Variants in ZNF704 observed in about 807,000 individuals in gnomAD.
ZNF704 encodes glucocorticoid induced gene 1.
ZNF704 carries 10 observed loss-of-function variants against 44.7 expected under a neutral mutation model. The ratio of observed to expected loss-of-function variants is 0.22; its 90% CI spans 0.14 to 0.38. ZNF704 has a LOEUF of 0.38. Among genes scored for constraint, ZNF704 ranks in the 10% least tolerant of loss-of-function variants. The pLI is 1.00. For synonymous variants in ZNF704, 211 were observed against 207.6 expected, an observed-to-expected ratio of 1.02 and a Z score of -0.14; for missense variants, 390 against 545.5, an observed-to-expected ratio of 0.71 and a Z score of 2.84.
At chr8:80,743,597 T>C (rs947576584) in intron 2 of ZNF704, among the ~76,000 whole-genome samples, 3 of 152,210 alleles carry the variant, frequency 2.0e-5, no homozygotes, top group African/African-American at 7.2e-5. Flanking sequence ...CACCCTCCAT[T>C]CTCGCTGATC....
At chr8:80,866,360 G>A (rs921972965) in intron 1 of ZNF704, among the ~76,000 whole-genome samples, 3 of 152,174 alleles carry the variant, frequency 2.0e-5, no homozygotes, top group African/African-American at 7.2e-5. Flanking sequence ...GTTGTATCCT[G>A]TGTGTACAGC....
chr8:80,875,610 C>T (rs535793289), upstream of ZNF704, among the ~76,000 whole-genome samples: 182 of 152,232 alleles, frequency 1.2e-3, 3 homozygotes, highest in Non-Finnish European at 1.1e-3. Context: ...GGCCTTAAGT[C>T]GTATTTCTTA....
chr8:80,675,160 G>A (rs192771290), intron 4 of ZNF704, among the ~76,000 whole-genome samples: 34 of 152,342 alleles, frequency 2.2e-4, no homozygotes, highest in African/African-American at 7.2e-4. Context: ...TGTAGAAGGT[G>A]ACTATTGAGC....
chr8:80,749,534 C>G (rs1353747376), intron 2 of ZNF704: 1 of 153,266 alleles, frequency 6.5e-6, no homozygotes, highest in Non-Finnish European at 1.5e-5. Flanking sequence ...ATGACCAGAG[C>G]TGCAACCTCT....
At chr8:80,743,195 A>AAAAAAAAAAAAAAAAAAAAAAT in intron 2 of ZNF704, among the ~76,000 whole-genome samples, 1 of 149,026 alleles carries the variant, frequency 6.7e-6, no homozygotes, top group Non-Finnish European at 1.5e-5. Flanking sequence ...CAACTGCAAA[A>AAAAAAAAAAAAAAAAAAAAAAT]AAAAAAAAAA....
At chr8:80,682,666 C>T (rs1818472564) in intron 4 of ZNF704, among the ~76,000 whole-genome samples, 1 of 152,160 alleles carries the variant, frequency 6.6e-6, no homozygotes, top group Non-Finnish European at 1.5e-5. Context: ...GAGGCAAGCA[C>T]CCCCTTCTCT....
Position 80,860,488 on chromosome 8 carries a change from C to A in ZNF704, c.-22+14083G>T, listed in dbSNP as rs570704079. ...GTTTGTCTAACTATAATGTGTTGGT[C>A]TTTCTCCTGTTGTTTTAGGGTATTG... is the stretch of plus-strand genomic sequence containing the variant. On this transcript the variant is annotated intron_variant, in intron 1 of 8. Transcript: ENST00000327835. Among the ~76,000 whole-genome samples, 16 of 152,244 alleles carry A rather than the reference C, an allele frequency of 1.1e-4. No individual in the cohort carries two copies. The South Asian group carries it at 3.3e-3, about 32-fold the overall frequency.
At chr8:80,653,273 C>T (rs1457817153) in intron 7 of ZNF704, among the ~76,000 whole-genome samples, 1 of 151,226 alleles carries the variant, frequency 6.6e-6, no homozygotes, top group Non-Finnish European at 1.5e-5. Flanking sequence ...CAGGGATGCC[C>T]TCTCTCACCA....
chr8:80,727,625 C>A (rs534150464), intron 2 of ZNF704, among the ~76,000 whole-genome samples: 1 of 151,926 alleles, frequency 6.6e-6, no homozygotes, highest in Non-Finnish European at 1.5e-5. Flanking sequence ...GAGAGGCGAG[C>A]TTGGAGGACG....
At chr8:80,747,393 G>C (rs1460700454) in intron 2 of ZNF704, among the ~76,000 whole-genome samples, 1 of 152,102 alleles carries the variant, frequency 6.6e-6, no homozygotes, top group African/African-American at 2.4e-5. Context: ...AGCAGTACAG[G>C]AAACGCTAGC....
chr8:80,667,516 C>T lies in ZNF704; in HGVS notation c.660-2434G>A, dbSNP rs186783098. ...CCTAACTGTTAGTGCTCTGTGCTCC[C>T]TCTGAAGTGTGTTTACTCATCGTTT... On this transcript the variant is annotated intron_variant, in intron 5 of 8. Transcript: ENST00000327835. Among the ~76,000 whole-genome samples the T allele has an allele frequency of 4.3e-3, 653 of 152,284 alleles. 6 individuals are homozygous for T. Among genetic ancestry groups the T allele is most frequent in the Non-Finnish European group, 4.2e-3 (288 of 68,024 alleles).
At chr8:80,860,933 T>C (rs1489903101) in intron 1 of ZNF704, among the ~76,000 whole-genome samples, 1 of 152,088 alleles carries the variant, frequency 6.6e-6, no homozygotes, top group African/African-American at 2.4e-5. Flanking sequence ...AATCCTAGAG[T>C]AGACAGAAAT....
At chr8:80,768,122 A>G (rs1376320727) in intron 2 of ZNF704, among the ~76,000 whole-genome samples, 1 of 152,164 alleles carries the variant, frequency 6.6e-6, no homozygotes, top group Non-Finnish European at 1.5e-5. Context: ...GTGTGAGGAG[A>G]AAATACTGTC....
At chr8:80,826,837 C>T (rs1457757537) in intron 1 of ZNF704, among the ~76,000 whole-genome samples, 1 of 152,160 alleles carries the variant, frequency 6.6e-6, no homozygotes, top group South Asian at 2.1e-4. Flanking sequence ...ATGATTATCT[C>T]AATAGATGCA....
chr8:80,651,642 T>C (rs1169925698), intron 7 of ZNF704, among the ~76,000 whole-genome samples: 5 of 152,164 alleles, frequency 3.3e-5, no homozygotes, highest in Non-Finnish European at 7.4e-5. Flanking sequence ...ATGCACCCAA[T>C]ACAGGAGCAG....
chr8:80,808,727 C>CTTAG (rs927247242), intron 2 of ZNF704, among the ~76,000 whole-genome samples: 3 of 152,156 alleles, frequency 2.0e-5, no homozygotes, highest in African/African-American at 7.2e-5. Flanking sequence ...TAGCTACCTG[C>CTTAG]TTAGTATTTG....
chr8:80,760,757 C>G (rs995618419), intron 2 of ZNF704, among the ~76,000 whole-genome samples: 1 of 151,850 alleles, frequency 6.6e-6, no homozygotes, highest in South Asian at 2.1e-4. Flanking sequence ...GTCATAGGTC[C>G]TGCAGGCTGT....
intron 2 of ZNF704, among the ~76,000 whole-genome samples, chr8:80,802,172 G>A (rs1227664433): frequency 2.2e-5 from 3 of 138,900 alleles, no homozygotes; most frequent in Admixed American, 1.5e-4. Context: ...TGAAATTGAG[G>A]CAGTAATAAA....
intron 1 of ZNF704, among the ~76,000 whole-genome samples, chr8:80,845,609 T>TA (rs1336262916): frequency 6.6e-6 from 1 of 152,214 alleles, no homozygotes; most frequent in African/African-American, 2.4e-5. Context: ...TTACTGGTAG[T>TA]AAAACAGTAA....
Sources: allele counts gnomAD v4.1 joint callset (sites outside exome capture counted in the v4.1 genomes callset), GRCh38; gene constraint gnomAD v4.1.1; transcripts MANE v1.5; gene names NCBI Gene and HGNC (gene_info 2026-07-23, HGNC 2026-07-21).